SMAD6: variants seen among roughly 807,000 people sequenced by gnomAD.
The protein encoded by SMAD6 is MAD homolog 6.
SMAD6 carries 103 observed loss-of-function variants against 39.4 expected under a neutral mutation model. The ratio of observed to expected loss-of-function variants is 2.62; its 90% CI spans 2.23 to 3.08. SMAD6 has a LOEUF of 3.08. SMAD6 is among the 30% of genes most tolerant of loss of function. The pLI, the probability that SMAD6 is intolerant of heterozygous loss-of-function variation, is 0.00. For missense variants in SMAD6, 1,104 were observed against 742.9 expected (o/e 1.49, Z -5.65); for synonymous variants, 445 against 353.3 (o/e 1.26, Z -2.91).
chr15:66,739,041 C>T (rs1344077083), intron 3 of SMAD6, among the ~76,000 whole-genome samples: 1 of 151,710 alleles, frequency 6.6e-6, no homozygotes, highest in Non-Finnish European at 1.5e-5. Context: ...TGTCCATCTT[C>T]CCAGGGCTCT....
At chr15:66,720,025 A>G (rs1893404207) in intron 3 of SMAD6, among the ~76,000 whole-genome samples, 1 of 152,124 alleles carries the variant, frequency 6.6e-6, no homozygotes, top group Non-Finnish European at 1.5e-5. Flanking sequence ...CTTTTGGGGT[A>G]CCTTCAGAAC....
intron 3 of SMAD6, among the ~76,000 whole-genome samples, chr15:66,775,793 A>G (rs574595932): frequency 6.6e-6 from 1 of 152,216 alleles, no homozygotes; most frequent in Non-Finnish European, 1.5e-5. Context: ...AATTAGGCTG[A>G]TGGCCGTGGG....
chr15:66,746,119 C>A (rs1048225073), intron 3 of SMAD6, among the ~76,000 whole-genome samples: 3 of 152,200 alleles, frequency 2.0e-5, no homozygotes, highest in Non-Finnish European at 4.4e-5. Flanking sequence ...GGCTCACCAG[C>A]CTCTGCCCAC....
At position 66,703,797 on chromosome 15, in the gene SMAD6, T is replaced by C; in HGVS notation, c.539T>C (p.Leu180Pro). 3 of 1,441,790 alleles carry C rather than the reference T, an allele frequency of 2.1e-6. No individual in the cohort carries two copies. The highest frequency in any genetic ancestry group is 2.8e-6 in the Non-Finnish European group (3 of 1,087,114). 89.3% of individuals were successfully genotyped at this position (1,441,790 alleles called of 1,614,324 possible). A position where few individuals can be genotyped will look rare whatever the true frequency, so the allele number is the denominator to read the frequency against. Reference sequence around the variant, plus strand: ...CTCAAAACCGTCACGTACTCGCTGCTGAAGCGGCTCAAGGAGCGCTCGCTG... The same window carrying C: ...CTCAAAACCGTCACGTACTCGCTGCCGAAGCGGCTCAAGGAGCGCTCGCTG... ...QELKTVTYSL[L>P]KRLKERSLDT... is the part of the protein sequence containing the mutation. Residue 180 changes from leucine (L) to proline (P), a missense_variant, in exon 1 of 4, where the codon CTG becomes CCG. Coordinates refer to ENST00000288840, the MANE Select transcript of SMAD6 (RefSeq NM_005585.5).
intron 3 of SMAD6, among the ~76,000 whole-genome samples, chr15:66,744,209 G>A (rs368161681): frequency 4.9e-4 from 74 of 152,108 alleles, no homozygotes; most frequent in African/African-American, 1.7e-3. Flanking sequence ...AGAAAGAGTC[G>A]AAAAAACAAA....
intron 3 of SMAD6, among the ~76,000 whole-genome samples, chr15:66,760,936 T>C (rs1049141591): frequency 6.6e-6 from 1 of 152,164 alleles, no homozygotes; most frequent in Non-Finnish European, 1.5e-5. Context: ...TCATGACATA[T>C]CAGAGTCAGA....
At chr15:66,775,609 TCTC>T (rs1369275932) in intron 3 of SMAD6, among the ~76,000 whole-genome samples, 2 of 151,972 alleles carry the variant, frequency 1.3e-5, no homozygotes, top group East Asian at 3.9e-4. Flanking sequence ...ACACAGCTCC[TCTC>T]CTCCTCCCCC....
chr15:66,735,587 G>C lies in SMAD6; in HGVS notation c.952+19089G>C, dbSNP rs529687116. Among the ~76,000 whole-genome samples the C allele has an allele frequency of 4.1e-4, 63 of 152,288 alleles. No individual in the cohort carries two copies. In the South Asian group the frequency reaches 0.013, roughly 31 times the overall value. On this transcript the variant is annotated intron_variant, in intron 3 of 3. Transcript: ENST00000288840. Reference sequence around the variant, plus strand: ...GGGATTCAGATGCACAAAGTTTATTGGGGGGCGTGTTCTCAGAAGAAAGGA... The same window carrying C: ...GGGATTCAGATGCACAAAGTTTATTCGGGGGCGTGTTCTCAGAAGAAAGGA...
At position 66,781,011 on chromosome 15, in the gene SMAD6, C is replaced by T. The variant is rs1292983568; in HGVS notation, c.967C>T (p.Pro323Ser). 4.4e-6 allele frequency: 7 copies of T among 1,576,862 alleles called. No homozygotes were observed. In the East Asian group the frequency reaches 1.6e-4, roughly 37 times the overall value. The change falls in exon 4 of 4, where the codon CCG (proline) becomes TCG (serine). Residue 323 changes from proline to serine, a missense_variant. Pro to Ser is a moderately conservative substitution (Grantham distance 74, BLOSUM62 -1). Coordinates refer to ENST00000288840, the MANE Select transcript of SMAD6 (RefSeq NM_005585.5). ...TTGTCCCGCAGACGCCAGCATGTCT[C>T]CGGACGCCACCAAGCCGAGCCACTG... ...PGEFSDASMS[P>S]DATKPSHWCS...
At chr15:66,717,161 A>G in intron 3 of SMAD6, 1 of 1,285,546 alleles carries the variant, frequency 7.8e-7, no homozygotes, top group Non-Finnish European at 1.0e-6. Flanking sequence ...GACTGGGGAC[A>G]TCGAGGGCCA....
chr15:66,710,312 C>T (rs537706411), intron 1 of SMAD6, among the ~76,000 whole-genome samples: 1 of 152,262 alleles, frequency 6.6e-6, no homozygotes, highest in Non-Finnish European at 1.5e-5. Flanking sequence ...TGAGACACAA[C>T]GTAGACACCG....
intron 1 of SMAD6, 104 bp from the exon 2 acceptor site, chr15:66,711,563 TG>T: frequency 1.1e-6 from 1 of 898,164 alleles, no homozygotes; most frequent in Non-Finnish European, 1.9e-6. Flanking sequence ...GAGGGCTTCC[TG>T]GAGGCTGAGT....
rs145345770 is a variant in SMAD6 at position 66,772,191 on chromosome 15, C to G, written c.953-8806C>G. Among the ~76,000 whole-genome samples the G allele has an allele frequency of 2.0e-5, 3 of 152,304 alleles. No individual in the cohort carries two copies. In the East Asian group the frequency reaches 5.8e-4, roughly 29 times the overall value. On this transcript the variant is annotated intron_variant, in intron 3 of 3. Transcript: ENST00000288840. The stretch of plus-strand genomic sequence containing the variant: ...ACAGGTTGCAGCCACAGGAGTAATG[C>G]AAAGAGTCCACATCTCTAAGCCTAG...
chr15:66,703,592 G>T lies in SMAD6; in HGVS notation c.334G>T (p.Gly112Cys), dbSNP rs1893030374. ...CCTGCTGGACGTGGCGGAGCCGGGAGGCCCGGGCTGGCTGCCCGAGAGTGA... is the reference window on the plus strand; with the variant it reads ...CCTGCTGGACGTGGCGGAGCCGGGATGCCCGGGCTGGCTGCCCGAGAGTGA... Reference protein sequence around the residue: ...SSLLDVAEPGGPGWLPESDCE... With the variant: ...SSLLDVAEPGCPGWLPESDCE... The change falls in exon 1 of 4, where the codon GGC becomes TGC. Residue 112 changes from glycine (G) to cysteine (C), a missense_variant. Gly to Cys is a radical substitution (Grantham distance 159). Transcript: ENST00000288840. The T allele has an allele frequency of 1.1e-5, 13 of 1,227,850 alleles. 1 individual carries two copies. The highest frequency in any genetic ancestry group is 3.2e-4 in the Middle Eastern group (1 of 3,122). The allele number at this position is 1,227,850 out of a possible 1,614,324, so 76.1% of individuals were successfully genotyped here. A position where few individuals can be genotyped will look rare whatever the true frequency, so the allele number is the denominator to read the frequency against.
Position 66,704,069 on chromosome 15 carries a change from G to C in SMAD6, c.811G>C (p.Gly271Arg), listed in dbSNP as rs867406333. ...CNPYHFSRLCGPESPPPPYSR... is the reference protein window; with the variant it reads ...CNPYHFSRLCRPESPPPPYSR... ...CCCCTACCACTTCAGCCGGCTCTGC[G>C]GGCCCGGTGAGCGCGCTGCGCCGGC... Residue 271 changes from glycine to arginine, a missense_variant, in exon 1 of 4, where the codon GGG becomes CGG. By Grantham distance (125) the Gly-to-Arg change is moderately radical (BLOSUM62 -2). Transcript: ENST00000288840. 1 of 1,486,454 alleles carries C rather than the reference G, an allele frequency of 6.7e-7. No homozygotes were observed. The highest frequency in any genetic ancestry group is 8.9e-7 in the Non-Finnish European group (1 of 1,126,520). 92.1% of individuals were successfully genotyped at this position (1,486,454 alleles called of 1,614,324 possible).
chr15:66,745,017 G>T (rs1893883129), intron 3 of SMAD6, among the ~76,000 whole-genome samples: 1 of 152,108 alleles, frequency 6.6e-6, no homozygotes, highest in Non-Finnish European at 1.5e-5. Flanking sequence ...TAGCCCTATG[G>T]GTCCAACAAG....
Position 66,781,303 on chromosome 15 carries a change from C to T in SMAD6, c.1259C>T (p.Pro420Leu). 6.2e-7 allele frequency: 1 copy of T among 1,602,738 alleles called. No homozygotes were observed. Among genetic ancestry groups the T allele is most frequent in the Non-Finnish European group, 8.5e-7 (1 of 1,176,234 alleles). The change falls in exon 4 of 4, where the codon CCC (proline) becomes CTC (leucine). Residue 420 changes from proline to leucine, a missense_variant. By Grantham distance (98) the Pro-to-Leu change is moderately conservative (BLOSUM62 -3). Transcript: ENST00000288840. ...IFVNSPTLDA[P>L]GGRALVVRKV... ...GTCAACTCCCCGACGCTGGACGCGC[C>T]CGGCGGCCGCGCCCTGGTCGTGCGC...
intron 3 of SMAD6, chr15:66,717,380 G>T (rs1234902446): frequency 4.4e-6 from 2 of 456,130 alleles, no homozygotes; most frequent in Non-Finnish European, 8.8e-6. Context: ...TTTATTGAGT[G>T]TATGCTATGG....
chr15:66,717,913 C>T (rs1340180077), intron 3 of SMAD6, among the ~76,000 whole-genome samples: 2 of 152,166 alleles, frequency 1.3e-5, no homozygotes, highest in East Asian at 3.8e-4. Flanking sequence ...GTTAAAATTT[C>T]AATCCTTTCT....
Sources: gnomAD v4.1 joint callset for allele counts (sites outside exome capture counted in the v4.1 genomes callset) on GRCh38, gnomAD v4.1.1 for gene constraint, MANE v1.5 for transcripts, NCBI Gene and HGNC (gene_info 2026-07-23, HGNC 2026-07-21) for gene names.